RALGPS1: variants seen among roughly 807,000 people sequenced by gnomAD.
The protein encoded by RALGPS1 is Ral GEF with PH domain and SH3 binding motif 1, also known as ras-specific guanine nucleotide-releasing factor RalGPS1.
RALGPS1 carries 19 observed loss-of-function variants against 78.8 expected under a neutral mutation model. That is an observed-to-expected ratio of 0.24 (90% CI 0.17 to 0.35). The LOEUF (loss-of-function observed/expected upper bound fraction) is 0.35. Among genes scored for constraint, RALGPS1 ranks in the 10% least tolerant of loss-of-function variants. The probability of loss-of-function intolerance (pLI) is 1.00; values close to 1 mark genes in which losing one functional copy is unlikely to be tolerated. For synonymous variants in RALGPS1, 228 were observed against 256.3 expected (o/e 0.89, Z 1.06); for missense variants, 454 against 688.3 (o/e 0.66, Z 3.81).
chr9:127,183,362 C>T lies in RALGPS1; in HGVS notation c.910+8580C>T, dbSNP rs534143863. ...AAACCTATTTTGGGGACCCCTGCAGCCCCTTCCATGCCCCCCCGCAAAGTC... is the reference window on the plus strand; with the variant it reads ...AAACCTATTTTGGGGACCCCTGCAGTCCCTTCCATGCCCCCCCGCAAAGTC... On this transcript the variant is annotated intron_variant, in intron 11 of 18. Transcript: ENST00000259351. The surrounding 1 kb of genome is among the most constrained non-coding windows in gnomAD (Gnocchi z 4.0). 1.3e-5 allele frequency among the ~76,000 whole-genome samples: 2 copies of T among 152,318 alleles called. No homozygotes were observed. The highest frequency in any genetic ancestry group is 2.9e-5 in the Non-Finnish European group (2 of 68,034).
chr9:127,190,056 A>G (rs2140398135), intron 11 of RALGPS1, among the ~76,000 whole-genome samples: 1 of 152,314 alleles, frequency 6.6e-6, no homozygotes, highest in Admixed American at 6.5e-5. Context: ...TGCCAGGTTC[A>G]CCACATATTT....
intron 2 of RALGPS1, among the ~76,000 whole-genome samples, chr9:126,962,968 T>C (rs560471459): frequency 6.6e-6 from 1 of 152,368 alleles, no homozygotes; most frequent in East Asian, 1.9e-4. Flanking sequence ...CTCCTCATTA[T>C]GCTAGGCTTT....
At chr9:126,983,156 C>G (rs904236537) in intron 4 of RALGPS1, among the ~76,000 whole-genome samples, 1 of 151,848 alleles carries the variant, frequency 6.6e-6, no homozygotes, top group Non-Finnish European at 1.5e-5. Flanking sequence ...AGGCTGGTCT[C>G]GAATTCCTGA....
At chr9:127,133,270 C>G (rs1470091076) in intron 8 of RALGPS1, among the ~76,000 whole-genome samples, 2 of 152,164 alleles carry the variant, frequency 1.3e-5, no homozygotes. Context: ...AGCCCCAGTC[C>G]CCAAGGGGAG....
chr9:127,023,044 T>A (rs1181941977), intron 4 of RALGPS1, among the ~76,000 whole-genome samples: 1 of 152,074 alleles, frequency 6.6e-6, no homozygotes, highest in Non-Finnish European at 1.5e-5. Flanking sequence ...GTCTCTTCCT[T>A]TTTCTCTTCC....
chr9:126,947,333 C>T (rs1403962931), intron 1 of RALGPS1, among the ~76,000 whole-genome samples: 1 of 152,168 alleles, frequency 6.6e-6, no homozygotes, highest in African/African-American at 2.4e-5. Context: ...CATCCCAACT[C>T]TGAAAATCTG....
intron 11 of RALGPS1, among the ~76,000 whole-genome samples, chr9:127,191,932 T>G (rs886207357): frequency 6.6e-6 from 1 of 151,986 alleles, no homozygotes; most frequent in African/African-American, 2.4e-5. Context: ...CTCCTGACCT[T>G]GTGATCTGCC....
chr9:127,154,364 G>A (rs1378677760), intron 8 of RALGPS1, among the ~76,000 whole-genome samples: 1 of 152,228 alleles, frequency 6.6e-6, no homozygotes, highest in Non-Finnish European at 1.5e-5. Flanking sequence ...CCTGCCCACT[G>A]AAAGCCTGCG....
chr9:126,935,354 T>C (rs529898211), intron 1 of RALGPS1, among the ~76,000 whole-genome samples: 1 of 152,316 alleles, frequency 6.6e-6, no homozygotes, highest in South Asian at 2.1e-4. Context: ...GTCCCCTTTG[T>C]TGCCATGGCG....
chr9:127,133,753 C>T (rs952486674), intron 8 of RALGPS1, among the ~76,000 whole-genome samples: 5 of 152,196 alleles, frequency 3.3e-5, no homozygotes, highest in African/African-American at 9.7e-5. Flanking sequence ...TGTGCAGAAA[C>T]GTTTGGTAAA....
chr9:127,043,577 G>A (rs547523284), intron 5 of RALGPS1, among the ~76,000 whole-genome samples: 2 of 152,132 alleles, frequency 1.3e-5, no homozygotes, highest in Admixed American at 6.5e-5. Flanking sequence ...AACACCAAAA[G>A]CAGAATTCAT....
At chr9:127,217,018 T>C in intron 18 of RALGPS1, 1 of 1,515,768 alleles carries the variant, frequency 6.6e-7, no homozygotes. Context: ...GGCACCATGG[T>C]GGCCCCAGTC....
At chr9:127,069,477 ATTGG>A in intron 8 of RALGPS1, 121 bp downstream of exon 8, 11 of 1,165,498 alleles carry the variant, frequency 9.4e-6, no homozygotes, top group Non-Finnish European at 1.3e-5. Context: ...TAAAGAGGCA[ATTGG>A]TTGGCTCTTT....
At chr9:127,017,570 A>G (rs1165022840) in intron 4 of RALGPS1, among the ~76,000 whole-genome samples, 3 of 152,182 alleles carry the variant, frequency 2.0e-5, no homozygotes, top group Non-Finnish European at 4.4e-5. Context: ...TAAATCTATA[A>G]AAAATTTTCT....
At chr9:126,924,761 A>G (rs1488780990) in intron 1 of RALGPS1, among the ~76,000 whole-genome samples, 1 of 152,222 alleles carries the variant, frequency 6.6e-6, no homozygotes, top group African/African-American at 2.4e-5. Flanking sequence ...CTGGCCATCC[A>G]TCCATCCATG....
intron 8 of RALGPS1, among the ~76,000 whole-genome samples, chr9:127,110,982 C>A (rs1263418168): frequency 2.6e-5 from 4 of 152,062 alleles, no homozygotes; most frequent in Non-Finnish European, 5.9e-5. Flanking sequence ...CGGGGTCACT[C>A]TTCTATTCAA....
intron 8 of RALGPS1, among the ~76,000 whole-genome samples, chr9:127,162,454 G>A (rs1005030753): frequency 3.9e-5 from 6 of 152,232 alleles, no homozygotes; most frequent in Non-Finnish European, 8.8e-5. Flanking sequence ...GATTTGTGCA[G>A]CGTTAACTGT....
intron 5 of RALGPS1, among the ~76,000 whole-genome samples, chr9:127,045,967 TA>T (rs1344552834): frequency 1.3e-5 from 2 of 152,118 alleles, no homozygotes; most frequent in Admixed American, 1.3e-4. Flanking sequence ...GCAAGAAATA[TA>T]AAAGATGAGC....
At chr9:127,027,025 A>G (rs1016259350) in intron 4 of RALGPS1, among the ~76,000 whole-genome samples, 3 of 152,154 alleles carry the variant, frequency 2.0e-5, no homozygotes, top group Non-Finnish European at 4.4e-5. Context: ...ATTGTTCCTT[A>G]ATGACTCTGA....
Sources: gnomAD v4.1 joint callset for allele counts (sites outside exome capture counted in the v4.1 genomes callset) on GRCh38, gnomAD v4.1.1 for gene constraint, Gnocchi (gnomAD v3.1) non-coding constraint, MANE v1.5 for transcripts, NCBI Gene and HGNC (gene_info 2026-07-23, HGNC 2026-07-21) for gene names.